Variants in MAST4 observed in about 807,000 individuals in gnomAD.
MAST4 encodes the protein microtubule associated serine/threonine kinase family member 4.
A neutral mutation model predicts 162.7 loss-of-function variants in MAST4; 89 were observed. That is an observed-to-expected ratio of 0.55 (90% confidence interval 0.46 to 0.65). The LOEUF (loss-of-function observed/expected upper bound fraction) is 0.65, where lower values mean the gene tolerates loss of function less well. Ranked by LOEUF, MAST4 falls within the 30% of genes least tolerant of loss-of-function variation. The pLI is 0.00. For synonymous variants in MAST4, 1,479 were observed against 1,361.1 expected (o/e 1.09, Z -1.91); for missense variants, 3,153 against 3,374.0 (o/e 0.93, Z 1.62).
At chr5:66,731,157 G>A (rs945074289) in intron 1 of MAST4, among the ~76,000 whole-genome samples, 42 of 152,288 alleles carry the variant, frequency 2.8e-4, no homozygotes, top group African/African-American at 9.6e-4. Context: ...GCATTTTGGA[G>A]CTCCCATAGG....
At chr5:66,706,198 T>A (rs1012875929) in intron 1 of MAST4, among the ~76,000 whole-genome samples, 8 of 152,212 alleles carry the variant, frequency 5.3e-5, no homozygotes, top group Non-Finnish European at 1.0e-4. Flanking sequence ...ATTGCCATAC[T>A]ATCCCCCAAA....
chr5:66,657,182 T>C (rs932667136), intron 1 of MAST4, among the ~76,000 whole-genome samples: 2 of 152,248 alleles, frequency 1.3e-5, no homozygotes, highest in African/African-American at 4.8e-5. Context: ...TTGCCTTCTT[T>C]TAATGACCGA....
intron 3 of MAST4, among the ~76,000 whole-genome samples, chr5:66,882,262 G>A (rs1475614506): frequency 2.0e-5 from 3 of 152,134 alleles, no homozygotes; most frequent in Non-Finnish European, 2.9e-5. Flanking sequence ...TCTAGGGTAT[G>A]TGGATTAATG....
chr5:66,959,166 G>GGTT, intron 4 of MAST4: 2 of 776,344 alleles, frequency 2.6e-6, no homozygotes, highest in South Asian at 2.7e-5. Context: ...AGAGAGGTTC[G>GGTT]GTTTGGCTCT....
At chr5:66,908,861 T>G (rs955160408) in intron 4 of MAST4, among the ~76,000 whole-genome samples, 1 of 152,202 alleles carries the variant, frequency 6.6e-6, no homozygotes, top group Non-Finnish European at 1.5e-5. Context: ...CTGCATGACC[T>G]TAACCTCTAT....
intron 4 of MAST4, among the ~76,000 whole-genome samples, chr5:66,929,382 C>G (rs934985993): frequency 6.6e-6 from 1 of 152,036 alleles, no homozygotes; most frequent in Non-Finnish European, 1.5e-5. Flanking sequence ...TAGTGCCTGC[C>G]GACATTGAGA....
At chr5:67,162,088 T>C (rs1296127744) in intron 27 of MAST4, among the ~76,000 whole-genome samples, 1 of 152,220 alleles carries the variant, frequency 6.6e-6, no homozygotes, top group East Asian at 1.9e-4. Flanking sequence ...TATGTCGTTG[T>C]ACAGCCTGCA....
intron 26 of MAST4, among the ~76,000 whole-genome samples, chr5:67,158,472 G>A (rs1036959887): frequency 6.6e-6 from 1 of 152,056 alleles, no homozygotes; most frequent in African/African-American, 2.4e-5. Context: ...CTCAGAGGGT[G>A]AGGCAGGAGG....
At chr5:66,756,928 A>G (rs1753575865) in intron 1 of MAST4, among the ~76,000 whole-genome samples, 1 of 152,162 alleles carries the variant, frequency 6.6e-6, no homozygotes, top group African/African-American at 2.4e-5. Flanking sequence ...ATTTAAAATA[A>G]TACTCCCTTC....
chr5:66,995,290 TTG>T (rs1750504671), intron 4 of MAST4, among the ~76,000 whole-genome samples: 1 of 152,220 alleles, frequency 6.6e-6, no homozygotes, highest in African/African-American at 2.4e-5. Flanking sequence ...AAAGTGTGTA[TTG>T]TTTTCTTAAG....
intron 3 of MAST4, among the ~76,000 whole-genome samples, chr5:66,848,997 G>A (rs1403423101): frequency 6.6e-6 from 1 of 152,158 alleles, no homozygotes; most frequent in Non-Finnish European, 1.5e-5. Flanking sequence ...ATGGAATTTT[G>A]TCCAGGGTCA....
chr5:67,106,653 A>G (rs917246073), intron 10 of MAST4, among the ~76,000 whole-genome samples: 1 of 152,208 alleles, frequency 6.6e-6, no homozygotes, highest in African/African-American at 2.4e-5. Context: ...TGCAGCTGCA[A>G]GAATATCTAT....
chr5:66,846,781 G>T (rs1357305795), intron 3 of MAST4, among the ~76,000 whole-genome samples: 1 of 152,148 alleles, frequency 6.6e-6, no homozygotes, highest in Non-Finnish European at 1.5e-5. Flanking sequence ...TTTAGTTCTT[G>T]TAAGATAGGA....
At chr5:67,078,645 T>A (rs1761977968) in intron 5 of MAST4, among the ~76,000 whole-genome samples, 1 of 135,068 alleles carries the variant, frequency 7.4e-6, no homozygotes, top group African/African-American at 3.0e-5. Flanking sequence ...TATATTTATA[T>A]CTTTATATAT....
At chr5:66,940,120 C>T (rs1422266571) in intron 4 of MAST4, among the ~76,000 whole-genome samples, 3 of 151,838 alleles carry the variant, frequency 2.0e-5, no homozygotes, top group Non-Finnish European at 4.4e-5. Context: ...TATGTATATA[C>T]ACACACACAT....
chr5:66,902,678 T>C (rs1184063503), intron 4 of MAST4: 2 of 470,508 alleles, frequency 4.3e-6, no homozygotes, highest in Admixed American at 4.7e-5. Context: ...GACTGGGTAA[T>C]AGACAAGAGA....
chr5:66,927,757 CA>C (rs1168460672), intron 4 of MAST4, among the ~76,000 whole-genome samples: 1 of 152,188 alleles, frequency 6.6e-6, no homozygotes, highest in African/African-American at 2.4e-5. Flanking sequence ...GTTGCCATGA[CA>C]AAGTATCACA....
At chr5:66,799,268 C>T (rs1264089069) in intron 3 of MAST4, among the ~76,000 whole-genome samples, 1 of 152,214 alleles carries the variant, frequency 6.6e-6, no homozygotes, top group East Asian at 1.9e-4. Flanking sequence ...TTAGTGTACA[C>T]ACTGCCTCTT....
chr5:66,970,701 C>G (rs768761910), intron 4 of MAST4, among the ~76,000 whole-genome samples: 3 of 152,234 alleles, frequency 2.0e-5, no homozygotes, highest in Non-Finnish European at 4.4e-5. Context: ...TTTGCATGTG[C>G]AGCGGCTTAG....
Sources: allele counts gnomAD v4.1 joint callset (sites outside exome capture counted in the v4.1 genomes callset), GRCh38; gene constraint gnomAD v4.1.1; transcripts MANE v1.5; gene names NCBI Gene and HGNC (gene_info 2026-07-23, HGNC 2026-07-21).